The following NUDT22 variants were observed in gnomAD, a reference collection of about 807,000 sequenced individuals.
The protein encoded by NUDT22 is nudix hydrolase 22.
Under a neutral mutation model 28.8 loss-of-function variants are expected in NUDT22, and 23 were observed. That is an observed-to-expected ratio of 0.80 (90% confidence interval 0.58 to 1.13). The LOEUF (loss-of-function observed/expected upper bound fraction) is 1.13, where lower values mean the gene tolerates loss of function less well. Ranked by LOEUF, NUDT22 falls within the 50% of genes most tolerant of loss-of-function variation. The pLI is 0.00. For missense variants in NUDT22, 358 were observed against 387.3 expected (o/e 0.92, Z 0.64); for synonymous variants, 175 against 173.7 (o/e 1.01, Z -0.06).
chr11:64,226,394 C>T lies in NUDT22; in HGVS notation c.-52C>T, dbSNP rs1197993300. On this transcript the variant is annotated 5_prime_UTR_variant, in exon 1 of 6. Coordinates refer to ENST00000279206, the MANE Select transcript of NUDT22 (RefSeq NM_032344.4). ...GACCCCTGGGTTTGGGGGACATGGG[C>T]ATTTGGGGCGCCTGAACCCAAGACC... 2 of 1,311,246 alleles carry T rather than the reference C, an allele frequency of 1.5e-6. No homozygotes were observed. Among genetic ancestry groups the T allele is most frequent in the Non-Finnish European group, 1.9e-6 (2 of 1,033,542 alleles). The allele number at this position is 1,311,246 out of a possible 1,614,324, so 81.2% of individuals were successfully genotyped here.
chr11:64,226,878 C>T lies in NUDT22; in HGVS notation c.226C>T (p.Pro76Ser), dbSNP rs943800036. 6.2e-7 allele frequency: 1 copy of T among 1,605,058 alleles called. No homozygotes were observed. The highest frequency in any genetic ancestry group is 1.3e-5 in the African/African-American group (1 of 74,946). Residue 76 changes from proline (P) to serine (S), a missense_variant, in exon 2 of 6, where the codon CCA becomes TCA. By Grantham distance (74) the Pro-to-Ser change is moderately conservative. Transcript: ENST00000279206. ...CCTGGCGCCTATTGGCTCTCGGGGG[C>T]CACAGCTGCTCCTGCGCCTGGGCCT... Reference protein sequence around the residue: ...ATLAPIGSRGPQLLLRLGLTS... With the variant: ...ATLAPIGSRGSQLLLRLGLTS...
In NUDT22 at chr11:64,226,821, G is replaced by A. The variant is rs775613099; in HGVS notation, c.169G>A (p.Asp57Asn). 2 of 1,609,722 alleles carry A rather than the reference G, an allele frequency of 1.2e-6. No individual in the cohort carries two copies. Among genetic ancestry groups the A allele is most frequent in the Non-Finnish European group, 8.5e-7 (1 of 1,179,932 alleles). Residue 57 changes from aspartate to asparagine, a missense_variant, in exon 2 of 6, where the codon GAC becomes AAC. Coordinates refer to ENST00000279206, the MANE Select transcript of NUDT22 (RefSeq NM_032344.4). ...TRLKAQPWLF[D>N]APKFRLHSAT... The stretch of plus-strand genomic sequence containing the variant: ...GCTAAAGGCCCAACCCTGGCTCTTC[G>A]ACGCCCCCAAGTTCCGCCTGCACTC...
intron 3 of NUDT22, chr11:64,227,883 T>A: frequency 1.8e-6 from 1 of 541,502 alleles, no homozygotes; most frequent in Non-Finnish European, 3.3e-6. Flanking sequence ...TTCTTTTTTT[T>A]TTTTTAGACA....
chr11:64,226,880 A>C lies in NUDT22; in HGVS notation c.228A>C (p.Pro76=), dbSNP rs201932897. The change falls in exon 2 of 6, where the codon CCA becomes CCC. Residue 76 remains proline, a synonymous_variant. Transcript: ENST00000279206. ...TGGCGCCTATTGGCTCTCGGGGGCC[A>C]CAGCTGCTCCTGCGCCTGGGCCTTA... ...ATLAPIGSRG[P]QLLLRLGLTS... The C allele has an allele frequency of 2.9e-4, 458 of 1,604,978 alleles. 3 individuals are homozygous for C. The East Asian group carries it at 0.01, about 35-fold the overall frequency.
At position 64,226,767 on chromosome 11, in the gene NUDT22, G is replaced by C; in HGVS notation, c.115G>C (p.Glu39Gln). ...HDRRPLPGGD[E>Q]AITAIWETRL... Reference sequence around the variant, plus strand: ...CCGTCGCCCACTGCCAGGTGGGGACGAGGCCATCACTGCCATCTGGGAGAC... The same window carrying C: ...CCGTCGCCCACTGCCAGGTGGGGACCAGGCCATCACTGCCATCTGGGAGAC... The change falls in exon 2 of 6, where the codon GAG becomes CAG. Residue 39 changes from glutamate (E) to glutamine (Q), a missense_variant. By Grantham distance (29) the Glu-to-Gln change is conservative (BLOSUM62 2). Coordinates refer to ENST00000279206, the MANE Select transcript of NUDT22 (RefSeq NM_032344.4). 1 of 1,610,456 alleles carries C rather than the reference G, an allele frequency of 6.2e-7. No individual in the cohort carries two copies. Among genetic ancestry groups the C allele is most frequent in the Non-Finnish European group, 8.5e-7 (1 of 1,179,948 alleles).
In NUDT22 at chr11:64,227,621, G is replaced by A. The variant is rs139747440; in HGVS notation, c.534G>A (p.Val178=). The change falls in exon 3 of 6, where the codon GTG becomes GTA. Residue 178 remains valine (V), a synonymous_variant. Transcript: ENST00000279206. ...ACCAGGACCTCGCTGGGCAGCTGGTGGTACATGAACTCTTTTCCAGTGTCC... is the reference window on the plus strand; with the variant it reads ...ACCAGGACCTCGCTGGGCAGCTGGTAGTACATGAACTCTTTTCCAGTGTCC... ...PQHQDLAGQL[V]VHELFSSVLQ... is the part of the protein sequence containing the mutation. The A allele has an allele frequency of 3.1e-5, 50 of 1,613,992 alleles. No homozygotes were observed. In the African/African-American group the frequency reaches 6.1e-4, roughly 20 times the overall value.
At chr11:64,230,165 T>C, downstream of NUDT22, 2 of 792,200 alleles carry the variant, frequency 2.5e-6, no homozygotes. Flanking sequence ...TGTGCCTCCC[T>C]TTCTTTGCTG....
rs973304138 is a variant in NUDT22 at position 64,226,444 on chromosome 11, G to T, written c.-19+17G>T. On this transcript the variant is annotated intron_variant, in intron 1 of 5. Transcript: ENST00000279206. Reference sequence around the variant, plus strand: ...CTCTGGATGGTAGGGATGCCCGGGCGTCCTGGATACCCTGCGGGACTCGGG... The same window carrying T: ...CTCTGGATGGTAGGGATGCCCGGGCTTCCTGGATACCCTGCGGGACTCGGG... The T allele has an allele frequency of 1.4e-6, 2 of 1,388,072 alleles. No homozygotes were observed. The highest frequency in any genetic ancestry group is 2.9e-5 in the African/African-American group (2 of 68,402). The allele number at this position is 1,388,072 out of a possible 1,614,324, so 86.0% of individuals were successfully genotyped here.
chr11:64,228,951 G>A lies in NUDT22; in HGVS notation c.580-296G>A, dbSNP rs533108344. 7.5e-4 allele frequency: 236 copies of A among 313,382 alleles called. 1 individual carries two copies. Among genetic ancestry groups the A allele is most frequent in the Admixed American group, 3.8e-3 (80 of 21,144 alleles). The allele number at this position is 313,382 out of a possible 1,614,324, so 19.4% of individuals were successfully genotyped here. ...CGTGCCACTGTACTCCAGCCTGGGC[G>A]ACAGAGCGAGACTCCATCTCAAAAA... On this transcript the variant is annotated intron_variant, in intron 3 of 5. Transcript: ENST00000279206.
Position 64,229,525 on chromosome 11 carries a change from G to T in NUDT22, c.725G>T (p.Gly242Val), listed in dbSNP as rs1294291671. The change falls in exon 5 of 6, where the codon GGA (glycine) becomes GTA (valine). Residue 242 changes from glycine (G) to valine (V), a missense_variant. Coordinates refer to ENST00000279206, the MANE Select transcript of NUDT22 (RefSeq NM_032344.4). ...GTGAGGAAGCACTACCTGAGTGGGGGACCCGAGGCCCACGAGTCTACAGGA... is the reference window on the plus strand; with the variant it reads ...GTGAGGAAGCACTACCTGAGTGGGGTACCCGAGGCCCACGAGTCTACAGGA... Reference protein sequence around the residue: ...EQVRKHYLSGGPEAHESTGIF... With the variant: ...EQVRKHYLSGVPEAHESTGIF... 1 of 1,614,166 alleles carries T rather than the reference G, an allele frequency of 6.2e-7. No individual in the cohort carries two copies. Among genetic ancestry groups the T allele is most frequent in the Non-Finnish European group, 8.5e-7 (1 of 1,180,020 alleles).
chr11:64,230,152 A>G (rs1331924155), downstream of NUDT22: 1 of 840,278 alleles, frequency 1.2e-6, no homozygotes. Flanking sequence ...AGGGGATAAG[A>G]ACTGTGCCTC....
At position 64,226,368 on chromosome 11, in the gene NUDT22, A is replaced by G; in HGVS notation, c.-78A>G. 1 of 1,263,004 alleles carries G rather than the reference A, an allele frequency of 7.9e-7. No individual in the cohort carries two copies. Among genetic ancestry groups the G allele is most frequent in the Non-Finnish European group, 1.0e-6 (1 of 1,004,894 alleles). 78.2% of individuals were successfully genotyped at this position (1,263,004 alleles called of 1,614,324 possible). ...TCCCCGCGCGCCCCGGGTCGGAGGC[A>G]GACCCCTGGGTTTGGGGGACATGGG... On this transcript the variant is annotated 5_prime_UTR_variant, in exon 1 of 6. Transcript: ENST00000279206.
Position 64,226,738 on chromosome 11 carries a change from A to G in NUDT22, c.86A>G (p.His29Arg). 6.2e-7 allele frequency: 1 copy of G among 1,610,448 alleles called. No individual in the cohort carries two copies. The highest frequency in any genetic ancestry group is 8.5e-7 in the Non-Finnish European group (1 of 1,179,946). Reference protein sequence around the residue: ...EQIQAELSPAHDRRPLPGGDE... With the variant: ...EQIQAELSPARDRRPLPGGDE... ...ATACAGGCCGAGCTGAGCCCCGCCC[A>G]TGACCGTCGCCCACTGCCAGGTGGG... Residue 29 changes from histidine to arginine, a missense_variant, in exon 2 of 6, where the codon CAT (histidine) becomes CGT (arginine). Coordinates refer to ENST00000279206, the MANE Select transcript of NUDT22 (RefSeq NM_032344.4).
intron 5 of NUDT22, 114 bp from the exon 6 acceptor site, chr11:64,229,736 T>C: frequency 7.0e-7 from 1 of 1,437,094 alleles, no homozygotes; most frequent in Non-Finnish European, 9.7e-7. Flanking sequence ...TTCAGCCCCT[T>C]AACATGCCTC....
In NUDT22 at chr11:64,226,289, C is replaced by T. The variant is rs1947014383; in HGVS notation, c.-157C>T. ...GGGAAGGGGCGGAGCCTGAGGGACCCGGCGGCTGGTGAGCGCCCGCTGGAG... is the reference window on the plus strand; with the variant it reads ...GGGAAGGGGCGGAGCCTGAGGGACCTGGCGGCTGGTGAGCGCCCGCTGGAG... On this transcript the variant is annotated 5_prime_UTR_variant, in exon 1 of 6. Transcript: ENST00000279206. 2.5e-6 allele frequency: 2 copies of T among 810,780 alleles called. No homozygotes were observed. The highest frequency in any genetic ancestry group is 3.3e-6 in the Non-Finnish European group (2 of 614,924). 50.2% of individuals were successfully genotyped at this position (810,780 alleles called of 1,614,324 possible).
At chr11:64,229,650 A>G in intron 5 of NUDT22, 79 bp downstream of exon 5, 1 of 1,421,806 alleles carries the variant, frequency 7.0e-7, no homozygotes, top group Non-Finnish European at 9.9e-7. Context: ...CTTGTAGGGG[A>G]GGTGTTGGCT....
In NUDT22 at chr11:64,226,423, G is replaced by A. The variant is rs1947020104; in HGVS notation, c.-23G>A. On this transcript the variant is annotated 5_prime_UTR_variant, in exon 1 of 6. Coordinates refer to ENST00000279206, the MANE Select transcript of NUDT22 (RefSeq NM_032344.4). ...TGGGGCGCCTGAACCCAAGACCTCTGGATGGTAGGGATGCCCGGGCGTCCT... is the reference window on the plus strand; with the variant it reads ...TGGGGCGCCTGAACCCAAGACCTCTAGATGGTAGGGATGCCCGGGCGTCCT... 7.2e-7 allele frequency: 1 copy of A among 1,380,904 alleles called. No individual in the cohort carries two copies. Among genetic ancestry groups the A allele is most frequent in the Non-Finnish European group, 9.3e-7 (1 of 1,074,562 alleles). The allele number at this position is 1,380,904 out of a possible 1,614,324, so 85.5% of individuals were successfully genotyped here. A position where few individuals can be genotyped will look rare whatever the true frequency, so the allele number is the denominator to read the frequency against.
At position 64,226,384 on chromosome 11, in the gene NUDT22, G is replaced by A. The variant is rs980956003; in HGVS notation, c.-62G>A. The A allele has an allele frequency of 3.9e-6, 5 of 1,297,552 alleles. No individual in the cohort carries two copies. The highest frequency in any genetic ancestry group is 4.9e-6 in the Non-Finnish European group (5 of 1,025,380). 80.4% of individuals were successfully genotyped at this position (1,297,552 alleles called of 1,614,324 possible). A position where few individuals can be genotyped will look rare whatever the true frequency, so the allele number is the denominator to read the frequency against. On this transcript the variant is annotated 5_prime_UTR_variant, in exon 1 of 6. Transcript: ENST00000279206. ...GTCGGAGGCAGACCCCTGGGTTTGGGGGACATGGGCATTTGGGGCGCCTGA... is the reference window on the plus strand; with the variant it reads ...GTCGGAGGCAGACCCCTGGGTTTGGAGGACATGGGCATTTGGGGCGCCTGA...
chr11:64,227,015 G>A lies in NUDT22; in HGVS notation c.363G>A (p.Leu121=), dbSNP rs969227811. 5.6e-6 allele frequency: 9 copies of A among 1,602,972 alleles called. No individual in the cohort carries two copies. The highest frequency in any genetic ancestry group is 7.6e-6 in the Non-Finnish European group (9 of 1,179,722). The change falls in exon 2 of 6, where the codon CTG becomes CTA. Residue 121 remains leucine, a synonymous_variant. Transcript: ENST00000279206. ...CGCAGGCCTATCTGGCGGACCCACTGGGGGTGGGCGCTGCACTAGCCACAG... is the reference window on the plus strand; with the variant it reads ...CGCAGGCCTATCTGGCGGACCCACTAGGGGTGGGCGCTGCACTAGCCACAG... ...GDTQAYLADP[L]GVGAALATAD...
Sources: gnomAD v4.1 joint callset for allele counts on GRCh38, gnomAD v4.1.1 for gene constraint, MANE v1.5 for transcripts, NCBI Gene and HGNC (gene_info 2026-07-23, HGNC 2026-07-21) for gene names.